Variants in FHDC1 observed in about 807,000 individuals in gnomAD.
FHDC1 encodes FH2 domain-containing protein 1.
A neutral mutation model predicts 52.6 loss-of-function variants in FHDC1; 25 were observed. That is an observed-to-expected ratio of 0.48 (90% confidence interval 0.35 to 0.66). The LOEUF is 0.66. Among genes scored for constraint, FHDC1 ranks in the 30% least tolerant of loss-of-function variants. The pLI is 0.01. For synonymous variants in FHDC1, 616 were observed against 581.5 expected (o/e 1.06, Z -0.85); for missense variants, 1,459 against 1,452.8 (o/e 1.00, Z -0.07).
chr4:152,920,019 C>T, the FHDC1 span, among the ~76,000 whole-genome samples: 1 of 138,538 alleles, frequency 7.2e-6, no homozygotes, highest in East Asian at 2.2e-4. Context: ...GCAATCTTGG[C>T]TCACTGCAGC....
intron 10 of FHDC1, among the ~76,000 whole-genome samples, chr4:152,969,811 A>G (rs1740582478): frequency 6.6e-6 from 1 of 151,902 alleles, no homozygotes; most frequent in Non-Finnish European, 1.5e-5. Context: ...CTGAGACTAC[A>G]GGCGCATGTC....
the FHDC1 span, among the ~76,000 whole-genome samples, chr4:152,913,268 A>T: frequency 6.6e-6 from 1 of 152,258 alleles, no homozygotes; most frequent in Non-Finnish European, 1.5e-5. Flanking sequence ...TAGATTGCAA[A>T]GTATGCAAGA....
chr4:152,934,883 G>C (rs767930007), upstream of FHDC1, among the ~76,000 whole-genome samples: 1 of 152,082 alleles, frequency 6.6e-6, no homozygotes, highest in Non-Finnish European at 1.5e-5. Flanking sequence ...GTAGGCAAGG[G>C]GTGTGGACTC....
At chr4:152,966,760 C>T (rs1162284975) in intron 9 of FHDC1, among the ~76,000 whole-genome samples, 1 of 152,064 alleles carries the variant, frequency 6.6e-6, no homozygotes, top group Non-Finnish European at 1.5e-5. Context: ...CCATGCCAGG[C>T]CCACATTCTG....
chr4:152,927,523 A>T, the FHDC1 span: 1 of 1,209,358 alleles, frequency 8.3e-7, no homozygotes, highest in African/African-American at 1.5e-5. Flanking sequence ...AATGGTGCAA[A>T]AGGAGGCAAG....
intron 10 of FHDC1, among the ~76,000 whole-genome samples, chr4:152,971,564 T>G (rs951933778): frequency 2.0e-5 from 3 of 152,216 alleles, no homozygotes; most frequent in Non-Finnish European, 4.4e-5. Context: ...CAAGCTTCCT[T>G]TCTTCCCATC....
intron 4 of FHDC1, among the ~76,000 whole-genome samples, chr4:152,957,543 T>C (rs1740136121): frequency 6.6e-6 from 1 of 152,182 alleles, no homozygotes; most frequent in Non-Finnish European, 1.5e-5. Context: ...CTGCCTGCCT[T>C]GGAGGAAGGA....
At chr4:152,942,153 G>A (rs911052051) in intron 1 of FHDC1, among the ~76,000 whole-genome samples, 4 of 152,226 alleles carry the variant, frequency 2.6e-5, no homozygotes, top group African/African-American at 4.8e-5. Context: ...GTCAGAAGCA[G>A]AAGAGGTAGG....
intron 1 of FHDC1, among the ~76,000 whole-genome samples, chr4:152,938,183 G>T (rs937382090): frequency 7.0e-6 from 1 of 142,660 alleles, no homozygotes; most frequent in Non-Finnish European, 1.5e-5. Flanking sequence ...CCTTTGGCAC[G>T]CATGTGCTTT....
At chr4:152,950,275 C>G (rs1033912608) in intron 2 of FHDC1, among the ~76,000 whole-genome samples, 2 of 152,172 alleles carry the variant, frequency 1.3e-5, no homozygotes, top group Non-Finnish European at 2.9e-5. Context: ...GCAGTGATAA[C>G]CCTCTTTAAA....
the FHDC1 span, among the ~76,000 whole-genome samples, chr4:152,930,995 A>T: frequency 5.0e-4 from 70 of 139,586 alleles, no homozygotes; most frequent in Middle Eastern, 3.5e-3. Flanking sequence ...ACACACACAC[A>T]CACTCTCTCT....
Position 152,975,791 on chromosome 4 carries a change from G to T in FHDC1, c.2500G>T (p.Ala834Ser). The change falls in exon 12 of 12, where the codon GCC becomes TCC. Residue 834 changes from alanine (A) to serine (S), a missense_variant. Coordinates refer to ENST00000511601, the MANE Select transcript of FHDC1 (RefSeq NM_001371116.1). ...ATCCAGCCCCCCTGGGGAGGCTCCT[G>T]CCCCCGTCTCTGTGGATAGTGAGCC... is the stretch of plus-strand genomic sequence containing the variant. ...PTSSPPGEAP[A>S]PVSVDSEPSC... 6.5e-7 allele frequency: 1 copy of T among 1,539,780 alleles called. No homozygotes were observed. Among genetic ancestry groups the T allele is most frequent in the East Asian group, 2.3e-5 (1 of 44,198 alleles).
chr4:152,933,294 T>C (rs1196637249), upstream of FHDC1, among the ~76,000 whole-genome samples: 1 of 151,584 alleles, frequency 6.6e-6, no homozygotes, highest in East Asian at 2.0e-4. Context: ...AGATGGACAA[T>C]CAGCATATTA....
the FHDC1 span, among the ~76,000 whole-genome samples, chr4:152,924,898 C>T: frequency 6.6e-6 from 1 of 150,784 alleles, no homozygotes; most frequent in South Asian, 2.1e-4. Context: ...CTTTAGGAGA[C>T]ATACCTAATG....
chr4:152,957,582 G>A (rs1315921926), intron 4 of FHDC1, among the ~76,000 whole-genome samples: 1 of 152,208 alleles, frequency 6.6e-6, no homozygotes, highest in Non-Finnish European at 1.5e-5. Context: ...ACCCCGCCTC[G>A]CGCTGCTGGC....
chr4:152,937,158 T>C (rs1739407839), intron 1 of FHDC1, among the ~76,000 whole-genome samples: 1 of 152,124 alleles, frequency 6.6e-6, no homozygotes, highest in Non-Finnish European at 1.5e-5. Context: ...TCTGTTTTTC[T>C]CAGCGGCTCG....
chr4:152,916,026 CA>C, the FHDC1 span, among the ~76,000 whole-genome samples: 5 of 151,916 alleles, frequency 3.3e-5, no homozygotes, highest in Non-Finnish European at 7.4e-5. Context: ...ACAGAAGATA[CA>C]GGGGGTTAAG....
chr4:152,939,569 A>G (rs951380364), intron 1 of FHDC1, among the ~76,000 whole-genome samples: 5 of 152,176 alleles, frequency 3.3e-5, no homozygotes, highest in Admixed American at 6.5e-5. Flanking sequence ...TTGTCTGCCA[A>G]TTAACTAAAA....
intron 8 of FHDC1, among the ~76,000 whole-genome samples, chr4:152,963,986 A>C (rs80350177): frequency 0.015 from 2,313 of 152,034 alleles, 68 homozygotes; most frequent in Admixed American, 0.07. Flanking sequence ...GCCGTGGTGC[A>C]GTCTTGTTTT....
Sources: allele counts gnomAD v4.1 joint callset (sites outside exome capture counted in the v4.1 genomes callset), GRCh38; gene constraint gnomAD v4.1.1; transcripts MANE v1.5; gene names NCBI Gene and HGNC (gene_info 2026-07-23, HGNC 2026-07-21).